BIN3: variants seen among roughly 807,000 people sequenced by gnomAD.
BIN3 encodes the protein bridging integrator 3.
In BIN3, 41 loss-of-function variants were observed where a neutral mutation model predicts 38.2. The observed-to-expected ratio is 1.07, with a 90% CI of 0.84 to 1.39. The LOEUF (loss-of-function observed/expected upper bound fraction) is 1.39, where lower values mean the gene tolerates loss of function less well. BIN3 is among the 40% of genes most tolerant of loss of function. BIN3 has a pLI of 0.00. For missense variants in BIN3, 361 were observed against 324.3 expected, an observed-to-expected ratio of 1.11 and a Z score of -0.87; for synonymous variants, 145 against 122.6, an observed-to-expected ratio of 1.18 and a Z score of -1.21.
At chr8:22,625,402 G>A (rs371593018) in intron 6 of BIN3, 1 of 702,612 alleles carries the variant, frequency 1.4e-6, no homozygotes, top group Non-Finnish European at 2.6e-6. Flanking sequence ...GACCAGAAGA[G>A]TTGGTTCCTC....
rs182584324 is a variant in BIN3 at position 22,661,475 on chromosome 8, A to G, written c.8+7569T>C. Among the ~76,000 whole-genome samples, 71 of 143,174 alleles carry G rather than the reference A, an allele frequency of 5.0e-4. 1 individual carries two copies. The East Asian group carries it at 0.01, about 21-fold the overall frequency. The allele number at this position is 143,174 out of a possible 152,430, so 93.9% of individuals were successfully genotyped here. A position where few individuals can be genotyped will look rare whatever the true frequency, so the allele number is the denominator to read the frequency against. On this transcript the variant is annotated intron_variant, in intron 1 of 8. Coordinates refer to ENST00000276416, the MANE Select transcript of BIN3 (RefSeq NM_018688.6). ...TGGGCTGAAGTGATTCTCCTGCCTC[A>G]GCCTCCCTAGTAGCTTGGATTACAG...
At chr8:22,636,737 AGGCTATGAGTGAATGACTCTCACAT>A in intron 3 of BIN3, 151 bp from the exon 4 acceptor site, 2 of 991,338 alleles carry the variant, frequency 2.0e-6, no homozygotes, top group Non-Finnish European at 3.1e-6. Context: ...CTACACCCAA[AGGCTATGAGTGAATGACTCTCACAT>A]GGCCATTGCC....
chr8:22,666,841 T>C (rs1285307037), intron 1 of BIN3, among the ~76,000 whole-genome samples: 1 of 152,236 alleles, frequency 6.6e-6, no homozygotes. Context: ...GAACTTGACC[T>C]TGGGCATCAG....
intron 4 of BIN3, among the ~76,000 whole-genome samples, chr8:22,632,196 T>A (rs1241104424): frequency 6.6e-6 from 1 of 152,244 alleles, no homozygotes; most frequent in Non-Finnish European, 1.5e-5. Context: ...TTAGGACCCA[T>A]GACATAAGGT....
At chr8:22,621,630 C>T (rs1362892473) in intron 8 of BIN3, 62 bp from the exon 9 acceptor site, 5 of 1,515,560 alleles carry the variant, frequency 3.3e-6, no homozygotes, top group African/African-American at 2.7e-5. Context: ...TTCAGGGGGC[C>T]AGAGGCTCAC....
intron 2 of BIN3, among the ~76,000 whole-genome samples, chr8:22,641,357 C>A (rs967433551): frequency 1.3e-5 from 2 of 152,154 alleles, no homozygotes; most frequent in African/African-American, 2.4e-5. Context: ...TTTGCTGTTC[C>A]CTGCTCTTTT....
intron 2 of BIN3, among the ~76,000 whole-genome samples, chr8:22,638,852 T>C (rs555607631): frequency 6.6e-6 from 1 of 152,336 alleles, no homozygotes; most frequent in South Asian, 2.1e-4. Flanking sequence ...CAACAGACTC[T>C]TTCTCCATCC....
chr8:22,634,755 G>A lies in BIN3; in HGVS notation c.160+1770C>T, dbSNP rs149612536. Among the ~76,000 whole-genome samples the A allele has an allele frequency of 2.3e-3, 348 of 152,242 alleles. 1 individual carries two copies. The highest frequency in any genetic ancestry group is 3.9e-3 in the Non-Finnish European group (265 of 68,020). ...GTGGATGGGCAACGGTTCCGGAGTG[G>A]GGGCTGTTTCGGTCACCTTCTAGTT... On this transcript the variant is annotated intron_variant, in intron 4 of 8. Coordinates refer to ENST00000276416, the MANE Select transcript of BIN3 (RefSeq NM_018688.6).
intron 1 of BIN3, among the ~76,000 whole-genome samples, chr8:22,664,433 A>T (rs1803346101): frequency 6.6e-6 from 1 of 152,264 alleles, no homozygotes; most frequent in Non-Finnish European, 1.5e-5. Context: ...CACAGAGGAC[A>T]TGAGTGATGA....
At chr8:22,628,982 G>A (rs1034012408) in intron 6 of BIN3, among the ~76,000 whole-genome samples, 12 of 152,332 alleles carry the variant, frequency 7.9e-5, no homozygotes, top group Admixed American at 5.9e-4. Context: ...GGCCGGAGCC[G>A]GAGGCACAGT....
At position 22,636,969 on chromosome 8, in the gene BIN3, C is replaced by G. The variant is rs200149327; in HGVS notation, c.58-7G>C. 2.5e-6 allele frequency: 4 copies of G among 1,612,070 alleles called. No individual in the cohort carries two copies. Among genetic ancestry groups the G allele is most frequent in the Non-Finnish European group, 3.4e-6 (4 of 1,178,266 alleles). On this transcript the variant is annotated splice_region_variant and splice_polypyrimidine_tract_variant and intron_variant, in intron 2 of 8. Coordinates refer to ENST00000276416, the MANE Select transcript of BIN3 (RefSeq NM_018688.6). ...TTTCAAAGTCTCTCTCCACCTGAAACGAGAGAGATAACTCAATTATCGGAG... is the reference window on the plus strand; with the variant it reads ...TTTCAAAGTCTCTCTCCACCTGAAAGGAGAGAGATAACTCAATTATCGGAG...
chr8:22,621,208 A>G lies in BIN3; in HGVS notation c.*214T>C, dbSNP rs1449692877. 2 of 617,662 alleles carry G rather than the reference A, an allele frequency of 3.2e-6. No homozygotes were observed. The highest frequency in any genetic ancestry group is 5.6e-6 in the Non-Finnish European group (2 of 358,298). The allele number at this position is 617,662 out of a possible 1,614,324, so 38.3% of individuals were successfully genotyped here. On this transcript the variant is annotated 3_prime_UTR_variant, in exon 9 of 9. Coordinates refer to ENST00000276416, the MANE Select transcript of BIN3 (RefSeq NM_018688.6). ...ATAAAAAAGCCCCAAGGGTTTGTCT[A>G]CACTGCTTACCTGCTGGGGCTGTGA... is the stretch of plus-strand genomic sequence containing the variant.
At position 22,652,069 on chromosome 8, in the gene BIN3, G is replaced by A. The variant is rs186843427; in HGVS notation, c.9-7266C>T. 4.0e-4 allele frequency among the ~76,000 whole-genome samples: 61 copies of A among 151,032 alleles called. 1 individual carries two copies. The highest frequency in any genetic ancestry group is 2.2e-3 in the Admixed American group (33 of 15,218). On this transcript the variant is annotated intron_variant, in intron 1 of 8. Transcript: ENST00000276416. ...ATTTTCAGGATGTCCTTTTAAAATG[G>A]TATCTTATTTTTATTTCATGGATGC...
intron 1 of BIN3, among the ~76,000 whole-genome samples, chr8:22,652,059 T>TC (rs1802915585): frequency 6.6e-6 from 1 of 151,948 alleles, no homozygotes; most frequent in Admixed American, 6.6e-5. Context: ...CAGGATGTCC[T>TC]TTTAAAATGG....
chr8:22,656,939 G>T (rs1222931065), intron 1 of BIN3, among the ~76,000 whole-genome samples: 1 of 152,192 alleles, frequency 6.6e-6, no homozygotes, highest in Non-Finnish European at 1.5e-5. Flanking sequence ...CCTGCTTTCT[G>T]ATTATGACAC....
chr8:22,644,460 C>T (rs1802654313), intron 2 of BIN3: 1 of 385,176 alleles, frequency 2.6e-6, no homozygotes, highest in African/African-American at 2.1e-5. Context: ...CAAGCCAGTC[C>T]CTAGAGGTGG....
chr8:22,630,954 G>A (rs752688321), intron 4 of BIN3, among the ~76,000 whole-genome samples: 5 of 152,208 alleles, frequency 3.3e-5, no homozygotes, highest in African/African-American at 4.8e-5. Flanking sequence ...TGGACGTGAT[G>A]CTTGGTTTGG....
chr8:22,625,128 G>A, intron 6 of BIN3: 1 of 557,528 alleles, frequency 1.8e-6, no homozygotes, highest in Admixed American at 2.9e-5. Context: ...CCGCGTGGGA[G>A]ACTCAGAGGA....
intron 1 of BIN3, among the ~76,000 whole-genome samples, chr8:22,649,469 T>A (rs1204725046): frequency 2.9e-5 from 2 of 69,154 alleles, no homozygotes; most frequent in African/African-American, 5.7e-5. Flanking sequence ...GGGGATGGGG[T>A]GGGTGGGGGT....
Sources: gnomAD v4.1 joint callset for allele counts (sites outside exome capture counted in the v4.1 genomes callset) on GRCh38, gnomAD v4.1.1 for gene constraint, MANE v1.5 for transcripts, NCBI Gene and HGNC (gene_info 2026-07-23, HGNC 2026-07-21) for gene names.